CPT1A: variants seen among roughly 807,000 people sequenced by gnomAD.
CPT1A encodes carnitine O-palmitoyltransferase 1, liver isoform.
CPT1A carries 64 observed loss-of-function variants against 100.8 expected under a neutral mutation model. The observed-to-expected ratio is 0.63, with a 90% CI of 0.52 to 0.78. The LOEUF (loss-of-function observed/expected upper bound fraction) is 0.78. Among genes scored for constraint, CPT1A ranks in the 30% least tolerant of loss-of-function variants. CPT1A has a pLI of 0.00. For synonymous variants in CPT1A, 363 were observed against 396.0 expected, an observed-to-expected ratio of 0.92 and a Z score of 0.99; for missense variants, 802 against 1,034.1, an observed-to-expected ratio of 0.78 and a Z score of 3.08.
intron 2 of CPT1A, among the ~76,000 whole-genome samples, chr11:68,814,087 G>A (rs996137165): frequency 1.3e-5 from 2 of 152,092 alleles, no homozygotes; most frequent in Non-Finnish European, 1.5e-5. Context: ...CTGGCAGGGG[G>A]GTCAGCGGGG....
In CPT1A at chr11:68,793,344, T is replaced by C; in HGVS notation, c.938A>G (p.Asn313Ser). Residue 313 changes from asparagine to serine, a missense_variant, in exon 9 of 19, where the codon AAT becomes AGT. By Grantham distance (46) the Asn-to-Ser change is conservative. Transcript: ENST00000265641. ...CTCCTCTCCTGGGATCCGGGAAGTA[T>C]TAAACATCCGCTCCCACTGAGCGGA... Reference protein sequence around the residue: ...LCSAQWERMFNTSRIPGEETD... With the variant: ...LCSAQWERMFSTSRIPGEETD... The C allele has an allele frequency of 1.2e-6, 2 of 1,612,072 alleles. No individual in the cohort carries two copies. The highest frequency in any genetic ancestry group is 1.7e-6 in the Non-Finnish European group (2 of 1,179,346).
rs931284100 is a variant in CPT1A at position 68,755,246 on chromosome 11, AACACAGATTGCTCAGTGGTCAACAG to A, written c.*2373_*2397del. The A allele has an allele frequency of 1.4e-5, 3 of 208,588 alleles. No homozygotes were observed. The highest frequency in any genetic ancestry group is 6.9e-5 in the African/African-American group (3 of 43,312). The allele number at this position is 208,588 out of a possible 1,614,324, so 12.9% of individuals were successfully genotyped here. On this transcript the variant is annotated 3_prime_UTR_variant, in exon 19 of 19. Coordinates refer to ENST00000265641, the MANE Select transcript of CPT1A (RefSeq NM_001876.4). The stretch of plus-strand genomic sequence containing the variant: ...CAAAATGCCCTGTGAACTCTAGTGT[AACACAGATTGCTCAGTGGTCAACAG>A]TGCATGATCTAGCTGGCTCTGATAG...
At chr11:68,763,765 G>A (rs1417342975) in intron 14 of CPT1A, among the ~76,000 whole-genome samples, 7 of 152,184 alleles carry the variant, frequency 4.6e-5, no homozygotes, top group East Asian at 1.9e-4. Context: ...GGCCCACTGC[G>A]GTCAGCGCTC....
At chr11:68,835,678 C>T (rs562847322) in intron 1 of CPT1A, among the ~76,000 whole-genome samples, 22 of 152,300 alleles carry the variant, frequency 1.4e-4, no homozygotes, top group South Asian at 4.1e-4. Context: ...ACCCTAGAGG[C>T]GGATTCAGTG....
intron 18 of CPT1A, 117 bp downstream of exon 18, chr11:68,759,452 C>G (rs1224800467): frequency 1.5e-5 from 11 of 756,754 alleles, no homozygotes; most frequent in Non-Finnish European, 2.5e-5. Flanking sequence ...TTCCCGAAAT[C>G]AAGTAAAAGC....
chr11:68,798,109 G>T (rs988400973), intron 6 of CPT1A, among the ~76,000 whole-genome samples: 1 of 152,234 alleles, frequency 6.6e-6, no homozygotes, highest in Admixed American at 6.5e-5. Context: ...TTCCGCAGGT[G>T]TTGTCTCTAT....
rs189442020 is a variant in CPT1A, at chr11:68,766,633, C to G, written c.1741-3872G>C. 8.2e-3 allele frequency among the ~76,000 whole-genome samples: 1,245 copies of G among 152,002 alleles called. 27 individuals are homozygous for G. The highest frequency in any genetic ancestry group is 8.0e-3 in the Non-Finnish European group (545 of 67,958). On this transcript the variant is annotated intron_variant, in intron 14 of 18. Coordinates refer to ENST00000265641, the MANE Select transcript of CPT1A (RefSeq NM_001876.4). Reference sequence around the variant, plus strand: ...CCCAAGCAGCTGGGATTACAGGTACCTGCCACCACGCCCAGCTAATTTTTT... The same window carrying G: ...CCCAAGCAGCTGGGATTACAGGTACGTGCCACCACGCCCAGCTAATTTTTT...
intron 6 of CPT1A, among the ~76,000 whole-genome samples, 179 bp from the exon 7 acceptor site, chr11:68,797,112 G>A (rs1034811760): frequency 6.6e-6 from 1 of 152,116 alleles, no homozygotes; most frequent in African/African-American, 2.4e-5. Flanking sequence ...GCGACACCGT[G>A]GGAAATGAAA....
chr11:68,842,622 A>G (rs1055799899), upstream of CPT1A, among the ~76,000 whole-genome samples: 3 of 152,142 alleles, frequency 2.0e-5, no homozygotes, highest in Non-Finnish European at 4.4e-5. Flanking sequence ...GAGATTTACT[A>G]AAATAATTCT....
At chr11:68,814,931 C>A (rs1329951766) in intron 2 of CPT1A, among the ~76,000 whole-genome samples, 1 of 152,082 alleles carries the variant, frequency 6.6e-6, no homozygotes, top group Non-Finnish European at 1.5e-5. Context: ...AAGCAATCCG[C>A]CCACCTCAGC....
rs1273193945 is a variant in CPT1A, at chr11:68,799,199, A to T, written c.693+19T>A. 6.2e-7 allele frequency: 1 copy of T among 1,610,026 alleles called. No homozygotes were observed. The highest frequency in any genetic ancestry group is 1.1e-5 in the South Asian group (1 of 91,012). ...ATACGGAAAAATTTCATCAAGAAAAACTGTGTATACAGACTTACGTAATTT... is the reference window on the plus strand; with the variant it reads ...ATACGGAAAAATTTCATCAAGAAAATCTGTGTATACAGACTTACGTAATTT... On this transcript the variant is annotated intron_variant, in intron 6 of 18. Coordinates refer to ENST00000265641, the MANE Select transcript of CPT1A (RefSeq NM_001876.4).
intron 1 of CPT1A, among the ~76,000 whole-genome samples, chr11:68,840,887 C>T (rs1046053359): frequency 4.1e-4 from 63 of 152,296 alleles, no homozygotes; most frequent in African/African-American, 1.5e-3. Context: ...CCCCACCCTC[C>T]CGCGGCCCCG....
At chr11:68,785,747 T>C (rs1855445391) in intron 9 of CPT1A, 2 of 482,444 alleles carry the variant, frequency 4.1e-6, no homozygotes, top group Non-Finnish European at 7.4e-6. Context: ...ATTCGATCCG[T>C]ATAGTAACTT....
Position 68,815,370 on chromosome 11 carries a change from T to C in CPT1A, c.105A>G (p.Gly35=), listed in dbSNP as rs1566377603. Residue 35 remains glycine, a synonymous_variant, in exon 2 of 19, where the codon GGA becomes GGG. Coordinates refer to ENST00000265641, the MANE Select transcript of CPT1A (RefSeq NM_001876.4). ...HEALRQIYLS[G]LHSWKKKFIR... is the part of the protein sequence containing the mutation. ...TGAACTTCTTTTTCCAGGAATGAAG[T>C]CCAGAGAGATAGATTTGTCTAAGAG... 5 of 1,613,980 alleles carry C rather than the reference T, an allele frequency of 3.1e-6. No homozygotes were observed. The highest frequency in any genetic ancestry group is 3.4e-6 in the Non-Finnish European group (4 of 1,180,026).
Position 68,773,372 on chromosome 11 carries a change from C to T in CPT1A, c.1633G>A (p.Asp545Asn). 6.2e-7 allele frequency: 1 copy of T among 1,614,210 alleles called. No homozygotes were observed. ...NTANLLANDV[D>N]FHSFPFVAFG... ...GCTACGAATGGGAAGGAATGGAAAT[C>T]CACGTCGTTTGCCAGAAGATTTGCG... Residue 545 changes from aspartate (D) to asparagine (N), a missense_variant, in exon 14 of 19, where the codon GAT becomes AAT. By Grantham distance (23) the Asp-to-Asn change is conservative. Coordinates refer to ENST00000265641, the MANE Select transcript of CPT1A (RefSeq NM_001876.4).
At chr11:68,842,434 G>T (rs1857180983), upstream of CPT1A, among the ~76,000 whole-genome samples, 1 of 151,456 alleles carries the variant, frequency 6.6e-6, no homozygotes, top group African/African-American at 2.4e-5. Flanking sequence ...GCGAGACCCC[G>T]TCTCTAAAAA....
intron 1 of CPT1A, among the ~76,000 whole-genome samples, chr11:68,827,190 A>T (rs531474512): frequency 1.3e-5 from 2 of 151,836 alleles, no homozygotes; most frequent in South Asian, 4.2e-4. Flanking sequence ...AAAATAAACC[A>T]GGCGCGGTGG....
chr11:68,789,395 CCTTT>C (rs1349205080), intron 9 of CPT1A, among the ~76,000 whole-genome samples: 2 of 151,914 alleles, frequency 1.3e-5, no homozygotes, highest in African/African-American at 2.4e-5. Context: ...TATACATTTA[CCTTT>C]CTTTATTTTT....
intron 1 of CPT1A, among the ~76,000 whole-genome samples, chr11:68,827,746 G>A (rs573692068): frequency 9.9e-5 from 15 of 152,154 alleles, no homozygotes; most frequent in South Asian, 2.1e-4. Flanking sequence ...CTTTCCCTAC[G>A]TATTTGAGTA....
Sources: gnomAD v4.1 joint callset for allele counts (sites outside exome capture counted in the v4.1 genomes callset) on GRCh38, gnomAD v4.1.1 for gene constraint, MANE v1.5 for transcripts, NCBI Gene and HGNC (gene_info 2026-07-23, HGNC 2026-07-21) for gene names.